KLHDC4: variants seen among roughly 807,000 people sequenced by gnomAD.
KLHDC4 encodes kelch domain-containing protein 4.
Under a neutral mutation model 62.4 loss-of-function variants are expected in KLHDC4, and 90 were observed. The ratio of observed to expected loss-of-function variants is 1.44; its 90% CI spans 1.22 to 1.72. KLHDC4 has a LOEUF of 1.72. KLHDC4 is among the 40% of genes most tolerant of loss of function. The pLI is 0.00. For missense variants in KLHDC4, 1,025 were observed against 699.7 expected, an observed-to-expected ratio of 1.47 and a Z score of -5.25; for synonymous variants, 386 against 284.4, an observed-to-expected ratio of 1.36 and a Z score of -3.59.
intron 5 of KLHDC4, among the ~76,000 whole-genome samples, chr16:87,745,311 G>A (rs1435732063): frequency 6.6e-6 from 1 of 151,628 alleles, no homozygotes. Context: ...GCCACCTCTT[G>A]GTGCCTCTGC....
exon 1 of KLHDC4, chr16:87,700,946 GC>G: frequency 4.1e-6 from 1 of 242,294 alleles, no homozygotes; most frequent in South Asian, 3.7e-5. Context: ...CTTCTCTCGC[GC>G]CCAGGCCGCG....
downstream of KLHDC4, among the ~76,000 whole-genome samples, chr16:87,706,094 G>A (rs2034644482): frequency 6.6e-6 from 1 of 151,238 alleles, no homozygotes; most frequent in South Asian, 2.1e-4. Context: ...CCCTTGCGGG[G>A]GGCGGGCGGG....
downstream of KLHDC4, chr16:87,707,790 C>T (rs577764916): frequency 8.1e-6 from 3 of 369,384 alleles, no homozygotes; most frequent in African/African-American, 4.2e-5. Flanking sequence ...TAGGGCCACA[C>T]AGAAGACACC....
At chr16:87,734,707 A>G (rs913497916) in intron 5 of KLHDC4, among the ~76,000 whole-genome samples, 3 of 152,172 alleles carry the variant, frequency 2.0e-5, no homozygotes, top group African/African-American at 7.2e-5. Flanking sequence ...GCCTCTTCAC[A>G]TAGGGATACC....
chr16:87,748,897 T>A (rs540442900), intron 4 of KLHDC4, 88 bp from the exon 5 acceptor site: 3 of 1,473,104 alleles, frequency 2.0e-6, no homozygotes, highest in Non-Finnish European at 2.7e-6. Flanking sequence ...AGCGCTTCAG[T>A]ACTATCTCGG....
intron 5 of KLHDC4, among the ~76,000 whole-genome samples, chr16:87,738,317 C>T (rs984448140): frequency 2.0e-5 from 3 of 152,048 alleles, no homozygotes; most frequent in Non-Finnish European, 2.9e-5. Context: ...TTCCTCACAT[C>T]AGGAGAAAAC....
chr16:87,747,964 T>A (rs1597311911), intron 5 of KLHDC4, among the ~76,000 whole-genome samples: 1 of 152,236 alleles, frequency 6.6e-6, no homozygotes, highest in South Asian at 2.1e-4. Context: ...GTGTGCGTAA[T>A]GGTGGGTCAT....
At chr16:87,700,299 T>C (rs2034074172) in exon 1 of KLHDC4, 2 of 154,896 alleles carry the variant, frequency 1.3e-5, no homozygotes, top group Middle Eastern at 5.2e-4. Flanking sequence ...TCGCCTTCCA[T>C]AGCTGCAGGT....
intron 7 of KLHDC4, among the ~76,000 whole-genome samples, chr16:87,714,871 C>T (rs2036623586): frequency 6.6e-6 from 1 of 152,206 alleles, no homozygotes; most frequent in Non-Finnish European, 1.5e-5. Context: ...GTGTGGAAAC[C>T]ACCACAGGGG....
intron 7 of KLHDC4, among the ~76,000 whole-genome samples, chr16:87,718,949 C>T (rs934045027): frequency 1.5e-4 from 22 of 150,962 alleles, no homozygotes; most frequent in African/African-American, 4.9e-4. Context: ...CGTCTCTGCC[C>T]GGCCGCCCGG....
chr16:87,743,530 G>A (rs1419915139), intron 5 of KLHDC4, among the ~76,000 whole-genome samples: 1 of 151,860 alleles, frequency 6.6e-6, no homozygotes. Context: ...ATGAGGGTCA[G>A]GAGATCGAGA....
At position 87,708,463 on chromosome 16, in the gene KLHDC4, G is replaced by C. The variant is rs758222426; in HGVS notation, c.1451C>G (p.Thr484Ser). ...WKALVEMDPE[T>S]QEWLEETDSE... ...GTCCGTCTCCTCCAGCCACTCCTGA[G>C]TTTCTTCAAAAGCAGAATGAACGCA... The change falls in exon 11 of 12, where the codon ACT becomes AGT. Residue 484 changes from threonine (T) to serine (S), a missense_variant. Coordinates refer to ENST00000270583, the MANE Select transcript of KLHDC4 (RefSeq NM_017566.4). 6.2e-7 allele frequency: 1 copy of C among 1,600,510 alleles called. No homozygotes were observed. Among genetic ancestry groups the C allele is most frequent in the Non-Finnish European group, 8.5e-7 (1 of 1,172,738 alleles).
At chr16:87,750,436 G>A (rs1458424723) in intron 4 of KLHDC4, 2 of 152,310 alleles carry the variant, frequency 1.3e-5, no homozygotes, top group East Asian at 1.9e-4. Flanking sequence ...AAAGCGACCT[G>A]AGCAACCTGG....
chr16:87,735,525 C>T (rs1173162564), intron 5 of KLHDC4, among the ~76,000 whole-genome samples: 1 of 152,240 alleles, frequency 6.6e-6, no homozygotes, highest in Non-Finnish European at 1.5e-5. Flanking sequence ...CCACCAGAGT[C>T]TCATCCTCTG....
At chr16:87,707,362 G>T (rs961029100), downstream of KLHDC4, among the ~76,000 whole-genome samples, 1 of 152,204 alleles carries the variant, frequency 6.6e-6, no homozygotes, top group Non-Finnish European at 1.5e-5. Flanking sequence ...AACCCGACTG[G>T]GACAGGGACA....
chr16:87,720,047 G>A (rs572515187), intron 7 of KLHDC4, among the ~76,000 whole-genome samples: 3 of 152,342 alleles, frequency 2.0e-5, no homozygotes, highest in Non-Finnish European at 4.4e-5. Flanking sequence ...TTAGCCTGCA[G>A]TGAGTCCTCA....
intron 10 of KLHDC4, 60 bp downstream of exon 10, chr16:87,709,205 G>A (rs548751447): frequency 1.4e-5 from 22 of 1,551,238 alleles, no homozygotes; most frequent in East Asian, 2.3e-5. Context: ...TTCGAGGGAC[G>A]CGACACACGA....
chr16:87,765,375 G>C (rs1443256253), intron 1 of KLHDC4: 3 of 466,510 alleles, frequency 6.4e-6, no homozygotes, highest in East Asian at 6.7e-5. Flanking sequence ...GAAAAGTTAA[G>C]AGTCTTACTC....
chr16:87,703,273 C>G (rs1251481294), downstream of KLHDC4: 1 of 152,184 alleles, frequency 6.6e-6, no homozygotes, highest in Non-Finnish European at 1.5e-5. Flanking sequence ...ATGGCGTCCC[C>G]GGGTCAGCGC....
Sources: gnomAD v4.1 joint callset for allele counts (sites outside exome capture counted in the v4.1 genomes callset) on GRCh38, gnomAD v4.1.1 for gene constraint, MANE v1.5 for transcripts, NCBI Gene and HGNC (gene_info 2026-07-23, HGNC 2026-07-21) for gene names.